CHRM3: variants seen among roughly 807,000 people sequenced by gnomAD.
The protein encoded by CHRM3 is muscarinic acetylcholine receptor M3.
A neutral mutation model predicts 41.8 loss-of-function variants in CHRM3; 11 were observed. The ratio of observed to expected loss-of-function variants is 0.26; its 90% CI spans 0.17 to 0.44. The LOEUF is 0.44. CHRM3 is among the 20% of genes least tolerant of loss of function. The pLI is 1.00. For synonymous variants in CHRM3, 297 were observed against 301.4 expected, an observed-to-expected ratio of 0.99 and a Z score of 0.15; for missense variants, 571 against 745.4, an observed-to-expected ratio of 0.77 and a Z score of 2.72.
intron 6 of CHRM3, among the ~76,000 whole-genome samples, chr1:239,896,184 C>T (rs757038428): frequency 6.6e-5 from 10 of 152,272 alleles, no homozygotes; most frequent in African/African-American, 1.4e-4. Context: ...CAGAGTGCAT[C>T]GGGGACATAG....
At chr1:239,412,843 G>C (rs1209321310) in intron 1 of CHRM3, among the ~76,000 whole-genome samples, 2 of 151,972 alleles carry the variant, frequency 1.3e-5, no homozygotes, top group Non-Finnish European at 2.9e-5. Context: ...GACTTTGGGA[G>C]GTCGAGGCGG....
chr1:239,552,697 C>G (rs1659990764), intron 3 of CHRM3, among the ~76,000 whole-genome samples: 1 of 149,494 alleles, frequency 6.7e-6, no homozygotes, highest in Non-Finnish European at 1.5e-5. Context: ...CACTTAATTG[C>G]CCCGGCTGGT....
chr1:239,852,915 T>A (rs1040000607), intron 6 of CHRM3, among the ~76,000 whole-genome samples: 3 of 152,122 alleles, frequency 2.0e-5, no homozygotes, highest in Non-Finnish European at 1.5e-5. Flanking sequence ...TTTGTTTACG[T>A]CTTTGTTTTC....
chr1:239,817,709 C>T (rs1057029474), intron 5 of CHRM3, among the ~76,000 whole-genome samples: 1 of 152,088 alleles, frequency 6.6e-6, no homozygotes, highest in African/African-American at 2.4e-5. Flanking sequence ...CACACACACA[C>T]ACTCGCACAG....
intron 5 of CHRM3, among the ~76,000 whole-genome samples, chr1:239,688,687 A>G (rs1476248450): frequency 7.5e-6 from 1 of 133,664 alleles, no homozygotes; most frequent in Non-Finnish European, 1.5e-5. Context: ...GTTATGCAAT[A>G]TAATATATAA....
At chr1:239,540,727 A>G (rs1262247926) in intron 2 of CHRM3, among the ~76,000 whole-genome samples, 2 of 152,186 alleles carry the variant, frequency 1.3e-5, no homozygotes, top group Non-Finnish European at 2.9e-5. Flanking sequence ...ATTTTAGTTA[A>G]CTAATACATG....
chr1:239,618,617 G>A lies in CHRM3; in HGVS notation c.-312-13607G>A, dbSNP rs1306551420. ...CCCAGCACTTTGGGAGGCCAAGGCGGTCGGATCACGAGGTCAGGAGATCGA... is the reference window on the plus strand; with the variant it reads ...CCCAGCACTTTGGGAGGCCAAGGCGATCGGATCACGAGGTCAGGAGATCGA... On this transcript the variant is annotated intron_variant, in intron 3 of 6. Coordinates refer to ENST00000676153, the MANE Select transcript of CHRM3 (RefSeq NM_001375978.1). Among the ~76,000 whole-genome samples, 5 of 151,828 alleles carry A rather than the reference G, an allele frequency of 3.3e-5. No individual in the cohort carries two copies. The South Asian group carries it at 6.2e-4, about 19-fold the overall frequency.
At position 239,909,239 on chromosome 1, in the gene CHRM3, A is replaced by G; in HGVS notation, c.*15A>G. On this transcript the variant is annotated 3_prime_UTR_variant, in exon 7 of 7. Transcript: ENST00000676153. Reference sequence around the variant, plus strand: ...AGGCCTTGTAGAATGAGGTTGTATCAATAGCAGTGACAAAACGCACACATC... The same window carrying G: ...AGGCCTTGTAGAATGAGGTTGTATCGATAGCAGTGACAAAACGCACACATC... 3 of 1,580,732 alleles carry G rather than the reference A, an allele frequency of 1.9e-6. No homozygotes were observed. The highest frequency in any genetic ancestry group is 2.6e-6 in the Non-Finnish European group (3 of 1,164,652).
chr1:239,425,904 C>G (rs999933650), intron 1 of CHRM3, among the ~76,000 whole-genome samples: 1 of 152,056 alleles, frequency 6.6e-6, no homozygotes, highest in African/African-American at 2.4e-5. Context: ...TTATAAAAGC[C>G]GTTCAGTGTT....
rs142930726 is a variant in CHRM3, at chr1:239,905,358, A to G, written c.-19-2075A>G. ...TCACCTTGTTAGCTAAATTCCCTGC[A>G]CAGATTATTTAAATGTGTCTTCCTT... On this transcript the variant is annotated intron_variant, in intron 6 of 6. Coordinates refer to ENST00000676153, the MANE Select transcript of CHRM3 (RefSeq NM_001375978.1). Among the ~76,000 whole-genome samples, 300 of 152,320 alleles carry G rather than the reference A, an allele frequency of 2.0e-3. 3 individuals carry two copies. Among genetic ancestry groups the G allele is most frequent in the African/African-American group, 6.8e-3 (282 of 41,572 alleles).
At chr1:239,423,794 G>C (rs1662140258) in intron 1 of CHRM3, among the ~76,000 whole-genome samples, 1 of 151,978 alleles carries the variant, frequency 6.6e-6, no homozygotes, top group Non-Finnish European at 1.5e-5. Context: ...CTTTGAAAAA[G>C]CAAGCCAACC....
chr1:239,618,822 A>T lies in CHRM3; in HGVS notation c.-312-13402A>T, dbSNP rs113348074. 3.5e-4 allele frequency among the ~76,000 whole-genome samples: 46 copies of T among 132,540 alleles called. No individual in the cohort carries two copies. The East Asian group carries it at 4.2e-3, about 12-fold the overall frequency. 87.0% of individuals were successfully genotyped at this position (132,540 alleles called of 152,430 possible). A position where few individuals can be genotyped will look rare whatever the true frequency, so the allele number is the denominator to read the frequency against. ...TCGCGCCCCTGCACTCCAGCCTGGG[A>T]GACAGAGCGAGACTCTGTCAGAAAA... is the stretch of plus-strand genomic sequence containing the variant. On this transcript the variant is annotated intron_variant, in intron 3 of 6. Coordinates refer to ENST00000676153, the MANE Select transcript of CHRM3 (RefSeq NM_001375978.1).
At chr1:239,866,911 C>T (rs940230624) in intron 6 of CHRM3, among the ~76,000 whole-genome samples, 5 of 152,184 alleles carry the variant, frequency 3.3e-5, no homozygotes, top group African/African-American at 1.2e-4. Flanking sequence ...ATAGATACCA[C>T]GATGCACAAT....
chr1:239,682,525 C>A lies in CHRM3; in HGVS notation c.-147+4237C>A, dbSNP rs79072789. ...GAAATTAATAGTATCTGAAATTAAC[C>A]TTGGATTAAGCTTACTTCATCTTGA... On this transcript the variant is annotated intron_variant, in intron 5 of 6. Transcript: ENST00000676153. Among the ~76,000 whole-genome samples, 885 of 151,644 alleles carry A rather than the reference C, an allele frequency of 5.8e-3. 12 individuals carry two copies. Among genetic ancestry groups the A allele is most frequent in the African/African-American group, 0.02 (834 of 41,352 alleles).
intron 3 of CHRM3, among the ~76,000 whole-genome samples, chr1:239,615,556 A>G (rs968264472): frequency 1.3e-5 from 2 of 152,206 alleles, no homozygotes; most frequent in African/African-American, 4.8e-5. Flanking sequence ...CAAGCAATAA[A>G]CAACTATACA....
intron 6 of CHRM3, among the ~76,000 whole-genome samples, chr1:239,880,029 G>A (rs1572575146): frequency 1.3e-5 from 2 of 152,160 alleles, no homozygotes; most frequent in South Asian, 4.1e-4. Context: ...GCAAAGAAAG[G>A]GTTTATTCAC....
chr1:239,785,573 C>G (rs1172230300), intron 5 of CHRM3, among the ~76,000 whole-genome samples: 1 of 152,128 alleles, frequency 6.6e-6, no homozygotes, highest in Non-Finnish European at 1.5e-5. Context: ...CATGTTTTCC[C>G]CACTTATCTT....
intron 4 of CHRM3, among the ~76,000 whole-genome samples, chr1:239,660,286 ACT>A (rs1159857178): frequency 6.6e-6 from 1 of 151,890 alleles, no homozygotes; most frequent in Non-Finnish European, 1.5e-5. Flanking sequence ...CCTGGCCCTA[ACT>A]CTCTTTTTTA....
intron 6 of CHRM3, among the ~76,000 whole-genome samples, chr1:239,870,379 C>T (rs1411278990): frequency 6.6e-6 from 1 of 152,126 alleles, no homozygotes; most frequent in East Asian, 1.9e-4. Context: ...CTGTTAGTTT[C>T]CTGTGCAGGC....
Sources: gnomAD v4.1 joint callset for allele counts (sites outside exome capture counted in the v4.1 genomes callset) on GRCh38, gnomAD v4.1.1 for gene constraint, MANE v1.5 for transcripts, NCBI Gene and HGNC (gene_info 2026-07-23, HGNC 2026-07-21) for gene names.